The following OGDH variants were observed in gnomAD, a reference collection of about 807,000 sequenced individuals.
The protein encoded by OGDH is 2-oxoglutarate dehydrogenase complex component E1.
In OGDH, 38 loss-of-function variants were observed where a neutral mutation model predicts 116.6. The ratio of observed to expected loss-of-function variants is 0.33; its 90% CI spans 0.25 to 0.43. OGDH has a LOEUF of 0.43. OGDH is among the 20% of genes least tolerant of loss of function. The probability of loss-of-function intolerance (pLI) is 1.00; values close to 1 mark genes in which losing one functional copy is unlikely to be tolerated. For synonymous variants in OGDH, 488 were observed against 533.3 expected (o/e 0.92, Z 1.17); for missense variants, 825 against 1,357.2 (o/e 0.61, Z 6.16).
chr7:44,611,119 A>G (rs932547916), intron 1 of OGDH, among the ~76,000 whole-genome samples: 5 of 142,008 alleles, frequency 3.5e-5, no homozygotes, highest in Admixed American at 7.5e-5. Context: ...CTGTCACCCC[A>G]GGCTGGAGTG....
intron 20 of OGDH, among the ~76,000 whole-genome samples, chr7:44,704,269 T>C (rs939714342): frequency 3.3e-5 from 5 of 152,378 alleles, no homozygotes; most frequent in Admixed American, 6.5e-5. Flanking sequence ...TGATATTTCA[T>C]TGTGGCTTTG....
At chr7:44,609,357 A>G (rs1316493150) in intron 1 of OGDH, among the ~76,000 whole-genome samples, 1 of 150,806 alleles carries the variant, frequency 6.6e-6, no homozygotes, top group Non-Finnish European at 1.5e-5. Flanking sequence ...AAAAAAAAAA[A>G]AAATTAGCCA....
chr7:44,688,486 A>G (rs1236093152), intron 10 of OGDH, among the ~76,000 whole-genome samples: 2 of 137,414 alleles, frequency 1.5e-5, no homozygotes, highest in Non-Finnish European at 3.0e-5. Context: ...GCTGGAGTGC[A>G]GTGGTGTGAT....
At chr7:44,626,772 C>T (rs1474533322) in intron 2 of OGDH, among the ~76,000 whole-genome samples, 1 of 152,096 alleles carries the variant, frequency 6.6e-6, no homozygotes, top group Non-Finnish European at 1.5e-5. Context: ...TGCTGGGAGT[C>T]TCCAGGGGGC....
chr7:44,635,729 G>A (rs1193574132), intron 2 of OGDH, among the ~76,000 whole-genome samples: 1 of 149,242 alleles, frequency 6.7e-6, no homozygotes, highest in African/African-American at 2.5e-5. Context: ...TTTTCGAGAT[G>A]GAGTCTCGCT....
chr7:44,614,864 T>C (rs1173459451), intron 1 of OGDH, among the ~76,000 whole-genome samples: 2 of 145,468 alleles, frequency 1.4e-5, no homozygotes, highest in Non-Finnish European at 3.0e-5. Context: ...TGAGATGAAG[T>C]CTCGCTCTGT....
chr7:44,702,255 C>T (rs1788866046), intron 20 of OGDH, among the ~76,000 whole-genome samples: 1 of 152,218 alleles, frequency 6.6e-6, no homozygotes, highest in Non-Finnish European at 1.5e-5. Context: ...CCGCTGCCTG[C>T]GGCCTCCTTC....
At chr7:44,616,798 T>TATATATACAC (rs1491279185) in intron 1 of OGDH, among the ~76,000 whole-genome samples, 1 of 102,892 alleles carries the variant, frequency 9.7e-6, no homozygotes, top group South Asian at 3.8e-4. Context: ...TATATATGTG[T>TATATATACAC]ATATATATGC....
intron 1 of OGDH, among the ~76,000 whole-genome samples, chr7:44,612,086 A>C (rs151094548): frequency 6.6e-6 from 1 of 152,078 alleles, no homozygotes; most frequent in Non-Finnish European, 1.5e-5. Flanking sequence ...TTAAAGTTTG[A>C]GTGTTTTTTG....
Position 44,694,602 on chromosome 7 carries a change from T to C in OGDH, c.1668+26T>C. On this transcript the variant is annotated intron_variant, in intron 12 of 22. Transcript: ENST00000222673. This position sits in a 1 kb window ranked among gnomAD's most constrained non-coding sequence, Gnocchi z 4.2. Reference sequence around the variant, plus strand: ...GTACGTCCCTGCGGCTCTATCCCAGTGCGCCTTTCCAGGGCTGGCGATGAC... The same window carrying C: ...GTACGTCCCTGCGGCTCTATCCCAGCGCGCCTTTCCAGGGCTGGCGATGAC... 1 of 1,609,826 alleles carries C rather than the reference T, an allele frequency of 6.2e-7. No individual in the cohort carries two copies. Among genetic ancestry groups the C allele is most frequent in the Non-Finnish European group, 8.5e-7 (1 of 1,176,378 alleles).
intron 2 of OGDH, among the ~76,000 whole-genome samples, chr7:44,644,282 T>C (rs1786077018): frequency 1.3e-5 from 2 of 152,386 alleles, no homozygotes; most frequent in East Asian, 1.9e-4. Flanking sequence ...TTAGTATGTC[T>C]GATCTCTTAA....
chr7:44,706,702 C>T (rs973821405), intron 20 of OGDH, among the ~76,000 whole-genome samples: 1 of 149,862 alleles, frequency 6.7e-6, no homozygotes, highest in Middle Eastern at 3.5e-3. Flanking sequence ...CTCACTGCAA[C>T]CTCTGCCTCC....
At chr7:44,655,861 T>TA (rs1215906956) in intron 4 of OGDH, among the ~76,000 whole-genome samples, 1 of 152,202 alleles carries the variant, frequency 6.6e-6, no homozygotes, top group Admixed American at 6.5e-5. Context: ...TTCAAAATCT[T>TA]ACGGTTTAGA....
rs910987593 is a variant in OGDH, at chr7:44,699,041, G to A, written c.2430+778G>A. On this transcript the variant is annotated intron_variant, in intron 18 of 22. Transcript: ENST00000222673. ...CACCTGTAATCCCAGCTAGTCTGAG[G>A]CTGAGGCAGGAGAATTGCTTAAACC... is the stretch of plus-strand genomic sequence containing the variant. Among the ~76,000 whole-genome samples the A allele has an allele frequency of 4.6e-5, 7 of 151,950 alleles. No individual in the cohort carries two copies. The South Asian group carries it at 6.2e-4, about 14-fold the overall frequency.
At chr7:44,633,252 C>CAAAAAAA (rs1163808681) in intron 2 of OGDH, among the ~76,000 whole-genome samples, 1 of 81,684 alleles carries the variant, frequency 1.2e-5, no homozygotes, top group African/African-American at 5.0e-5. Flanking sequence ...GACTCTGTGT[C>CAAAAAAA]AAAAAAAAAA....
chr7:44,632,609 T>A (rs1214677616), intron 2 of OGDH, among the ~76,000 whole-genome samples: 1 of 147,570 alleles, frequency 6.8e-6, no homozygotes, highest in Non-Finnish European at 1.5e-5. Flanking sequence ...GGTGGATGTT[T>A]TTTGTTGTTG....
Position 44,671,270 on chromosome 7 carries a change from G to T in OGDH, c.634-2517G>T, listed in dbSNP as rs1787438684. On this transcript the variant is annotated intron_variant, in intron 5 of 22. Transcript: ENST00000222673. The stretch of plus-strand genomic sequence containing the variant: ...GGGAGGGGAAGCAAGAGAGAGTGTG[G>T]GGAGGTGCCAGGCTCTTTTTAGCAA... Among the ~76,000 whole-genome samples, 4 of 152,028 alleles carry T rather than the reference G, an allele frequency of 2.6e-5. No individual in the cohort carries two copies. In the South Asian group the frequency reaches 8.3e-4, roughly 32 times the overall value.
At position 44,708,930 on chromosome 7, in the gene OGDH, G is replaced by T. The variant is rs1789206088; in HGVS notation, c.*931G>T. The stretch of plus-strand genomic sequence containing the variant: ...TGAGGGGCCAGGCCATGGCCAAGGG[G>T]CCAGCTGCCCCTCATTTATCACTCT... On this transcript the variant is annotated 3_prime_UTR_variant, in exon 23 of 23. Coordinates refer to ENST00000222673, the MANE Select transcript of OGDH (RefSeq NM_002541.4). 1 of 152,084 alleles carries T rather than the reference G, an allele frequency of 6.6e-6. No individual in the cohort carries two copies. The highest frequency in any genetic ancestry group is 1.5e-5 in the Non-Finnish European group (1 of 68,008). 9.4% of individuals were successfully genotyped at this position (152,084 alleles called of 1,614,324 possible).
chr7:44,629,101 A>G (rs1785319503), intron 2 of OGDH, among the ~76,000 whole-genome samples: 2 of 152,220 alleles, frequency 1.3e-5, no homozygotes, highest in African/African-American at 4.8e-5. Context: ...AAATGATGAC[A>G]TCTTTATTTA....
Sources: allele counts gnomAD v4.1 joint callset (sites outside exome capture counted in the v4.1 genomes callset), GRCh38; gene constraint gnomAD v4.1.1; non-coding constraint Gnocchi (gnomAD v3.1); transcripts MANE v1.5; gene names NCBI Gene and HGNC (gene_info 2026-07-23, HGNC 2026-07-21).